The following PEX5L variants were observed in gnomAD, a reference collection of about 807,000 sequenced individuals.
PEX5L encodes peroxisomal biogenesis factor 5 like.
In PEX5L, 30 loss-of-function variants were observed where a neutral mutation model predicts 84.0. That is an observed-to-expected ratio of 0.36 (90% CI 0.27 to 0.48). The LOEUF (loss-of-function observed/expected upper bound fraction) is 0.48, where lower values mean the gene tolerates loss of function less well. PEX5L is among the 20% of genes least tolerant of loss of function. The pLI is 0.99. For missense variants in PEX5L, 533 were observed against 754.6 expected (o/e 0.71, Z 3.44); for synonymous variants, 270 against 283.1 (o/e 0.95, Z 0.46).
rs140402155 is a variant in PEX5L at position 179,823,167 on chromosome 3, G to T, written c.823-3191C>A. Among the ~76,000 whole-genome samples, 148 of 152,192 alleles carry T rather than the reference G, an allele frequency of 9.7e-4. 2 individuals carry two copies. Among genetic ancestry groups the T allele is most frequent in the African/African-American group, 3.3e-3 (136 of 41,540 alleles). On this transcript the variant is annotated intron_variant, in intron 8 of 14. Transcript: ENST00000467460. ...ACAATCGCAAAGCTCAAATATAAAA[G>T]CTGTGCATAGTTTGGTGTTTTCATC...
chr3:179,899,505 C>T (rs1005700560), intron 2 of PEX5L, among the ~76,000 whole-genome samples: 6 of 152,008 alleles, frequency 3.9e-5, no homozygotes, highest in South Asian at 4.1e-4. Flanking sequence ...AAAGCTTGAT[C>T]GTTTCCATGC....
chr3:179,801,948 A>C lies in PEX5L; in HGVS notation c.1761T>G (p.Ser587=), dbSNP rs746312394. The C allele has an allele frequency of 2.5e-6, 4 of 1,613,214 alleles. No homozygotes were observed. Among genetic ancestry groups the C allele is most frequent in the South Asian group, 2.2e-5 (2 of 91,052 alleles). ...NQQQVPHPAI[S]GNIWAALRIA... ...TTCTGAGGGCAGCCCAGATATTCCCAGAGATTGCAGGATGAGGAACTTGCT... is the reference window on the plus strand; with the variant it reads ...TTCTGAGGGCAGCCCAGATATTCCCCGAGATTGCAGGATGAGGAACTTGCT... Residue 587 remains serine, a synonymous_variant, in exon 15 of 15, where the codon TCT becomes TCG. Transcript: ENST00000467460.
At chr3:179,840,773 G>A (rs1356407016) in intron 8 of PEX5L, among the ~76,000 whole-genome samples, 2 of 152,150 alleles carry the variant, frequency 1.3e-5, no homozygotes, top group African/African-American at 2.4e-5. Flanking sequence ...GGCATCATCC[G>A]GGACTGCAGT....
intron 14 of PEX5L, among the ~76,000 whole-genome samples, chr3:179,803,046 T>G (rs1227228415): frequency 4.6e-5 from 7 of 152,232 alleles, no homozygotes; most frequent in Admixed American, 3.9e-4. Context: ...AAATTATTTT[T>G]ATGATAAAGC....
At chr3:179,907,654 A>ATTTGTATGT (rs1763732184) in intron 2 of PEX5L, among the ~76,000 whole-genome samples, 1 of 152,162 alleles carries the variant, frequency 6.6e-6, no homozygotes, top group African/African-American at 2.4e-5. Context: ...TGTATGTTAA[A>ATTTGTATGT]TATTGTTACT....
chr3:179,880,123 A>G lies in PEX5L; in HGVS notation c.311T>C (p.Val104Ala), dbSNP rs1753730136. Residue 104 changes from valine to alanine, a missense_variant and splice_region_variant, in exon 5 of 15, where the codon GTA becomes GCA. This residue lies in a region of PEX5L where 259 missense variants were observed against 301.7 expected (regional missense o/e 0.86). Coordinates refer to ENST00000467460, the MANE Select transcript of PEX5L (RefSeq NM_016559.3). ...IARPVTSNTAVLTTGLDLLDL... is the reference protein window; with the variant it reads ...IARPVTSNTAALTTGLDLLDL... ...GAGGAGATCTAAGCCAGTGGTCAAT[A>G]CTACCAGAAATGGAAGAGGTTAAGA... is the stretch of plus-strand genomic sequence containing the variant. The G allele has an allele frequency of 6.3e-7, 1 of 1,587,678 alleles. No individual in the cohort carries two copies. The highest frequency in any genetic ancestry group is 8.6e-7 in the Non-Finnish European group (1 of 1,167,886).
At chr3:179,825,451 C>T (rs1279317568) in intron 8 of PEX5L, among the ~76,000 whole-genome samples, 1 of 152,098 alleles carries the variant, frequency 6.6e-6, no homozygotes, top group Non-Finnish European at 1.5e-5. Context: ...CTGTGAGTGT[C>T]TCTGGTTGCA....
chr3:180,022,115 C>T (rs1790474769), intron 1 of PEX5L, among the ~76,000 whole-genome samples: 1 of 152,122 alleles, frequency 6.6e-6, no homozygotes, highest in African/African-American at 2.4e-5. Context: ...TGAAAGAAAA[C>T]ATGATTTTTA....
chr3:179,810,302 T>G (rs1723295498), intron 11 of PEX5L, among the ~76,000 whole-genome samples: 1 of 152,056 alleles, frequency 6.6e-6, no homozygotes, highest in African/African-American at 2.4e-5. Context: ...CCACCACACC[T>G]GGCCTCTACT....
At chr3:179,898,297 T>C in intron 2 of PEX5L, 51 bp from the exon 3 acceptor site, 1 of 1,246,860 alleles carries the variant, frequency 8.0e-7, no homozygotes, top group Non-Finnish European at 1.2e-6. Context: ...CTTTAACTTA[T>C]TATTTATTAC....
chr3:179,888,959 T>C (rs1756785364), intron 3 of PEX5L, among the ~76,000 whole-genome samples: 1 of 152,048 alleles, frequency 6.6e-6, no homozygotes, highest in South Asian at 2.1e-4. Context: ...TTTATTTTTA[T>C]AGAGACAAGG....
At chr3:179,877,295 G>A (rs1188226917) in intron 5 of PEX5L, among the ~76,000 whole-genome samples, 10 of 152,236 alleles carry the variant, frequency 6.6e-5, no homozygotes, top group African/African-American at 2.4e-4. Flanking sequence ...ATCTCATGAT[G>A]GGTTTCAGTT....
At chr3:180,014,399 G>T (rs1427677128) in intron 1 of PEX5L, among the ~76,000 whole-genome samples, 1 of 151,996 alleles carries the variant, frequency 6.6e-6, no homozygotes, top group Non-Finnish European at 1.5e-5. Flanking sequence ...GTGAACCCGG[G>T]AGGCGGAGCT....
At chr3:179,905,895 C>T (rs1403008986) in intron 2 of PEX5L, among the ~76,000 whole-genome samples, 4 of 152,272 alleles carry the variant, frequency 2.6e-5, no homozygotes, top group African/African-American at 7.2e-5. Flanking sequence ...GGCACATAAA[C>T]GCTCAAGTGC....
chr3:179,974,586 G>A (rs183848185), intron 1 of PEX5L, among the ~76,000 whole-genome samples: 1 of 152,284 alleles, frequency 6.6e-6, no homozygotes, highest in Admixed American at 6.5e-5. Flanking sequence ...TCAGGATAAC[G>A]TGTCCAACTT....
intron 1 of PEX5L, among the ~76,000 whole-genome samples, chr3:179,997,632 C>A (rs1369529838): frequency 6.6e-6 from 1 of 152,232 alleles, no homozygotes; most frequent in Non-Finnish European, 1.5e-5. Context: ...CATCCCCATT[C>A]AACTCTCCCA....
chr3:179,886,078 C>A (rs1019199110), intron 4 of PEX5L, among the ~76,000 whole-genome samples: 6 of 152,152 alleles, frequency 3.9e-5, no homozygotes, highest in African/African-American at 1.2e-4. Context: ...TGAATCAAAT[C>A]TTATATTGCT....
intron 2 of PEX5L, among the ~76,000 whole-genome samples, chr3:179,917,533 G>A (rs1767642713): frequency 6.6e-6 from 1 of 152,200 alleles, no homozygotes; most frequent in Non-Finnish European, 1.5e-5. Context: ...ACAGACAAGG[G>A]AGTAATGCAT....
chr3:180,006,593 C>A (rs1231196112), intron 1 of PEX5L, among the ~76,000 whole-genome samples: 38 of 152,154 alleles, frequency 2.5e-4, no homozygotes, highest in Non-Finnish European at 1.5e-5. Flanking sequence ...TTTGACACTG[C>A]TGGGCAGTGG....
Sources: gnomAD v4.1 joint callset for allele counts (sites outside exome capture counted in the v4.1 genomes callset) on GRCh38, gnomAD v4.1.1 for gene constraint, gnomAD v4.1.1 regional missense constraint, MANE v1.5 for transcripts, NCBI Gene and HGNC (gene_info 2026-07-23, HGNC 2026-07-21) for gene names.